GRID2: variants seen among roughly 807,000 people sequenced by gnomAD.
GRID2 encodes the protein glutamate receptor ionotropic, delta-2.
A neutral mutation model predicts 114.8 loss-of-function variants in GRID2; 33 were observed. That is an observed-to-expected ratio of 0.29 (90% CI 0.22 to 0.38). The LOEUF is 0.38. Ranked by LOEUF, GRID2 falls within the 10% of genes least tolerant of loss-of-function variation. The pLI is 1.00. For synonymous variants in GRID2, 505 were observed against 449.9 expected (o/e 1.12, Z -1.55); for missense variants, 1,184 against 1,257.7 (o/e 0.94, Z 0.89).
chr4:92,369,500 G>A (rs1420635737), intron 1 of GRID2, among the ~76,000 whole-genome samples: 1 of 152,136 alleles, frequency 6.6e-6, no homozygotes, highest in Non-Finnish European at 1.5e-5. Context: ...TTACAAGGCT[G>A]ATTTAGTTAC....
At chr4:92,336,512 C>T (rs752539933) in intron 1 of GRID2, among the ~76,000 whole-genome samples, 7 of 152,180 alleles carry the variant, frequency 4.6e-5, no homozygotes, top group Non-Finnish European at 1.0e-4. Context: ...TTCCCATCAT[C>T]TCTGACTTTG....
intron 1 of GRID2, among the ~76,000 whole-genome samples, chr4:92,371,060 G>T (rs1729094761): frequency 6.6e-6 from 1 of 152,214 alleles, no homozygotes; most frequent in South Asian, 2.1e-4. Context: ...CCAAATAAAA[G>T]ACCTAAATCT....
chr4:92,472,872 C>T (rs953501260), intron 1 of GRID2, among the ~76,000 whole-genome samples: 1 of 152,122 alleles, frequency 6.6e-6, no homozygotes, highest in African/African-American at 2.4e-5. Flanking sequence ...CCATTTGTGG[C>T]TGACCTTAAC....
chr4:92,836,042 C>G (rs953539939), intron 2 of GRID2, among the ~76,000 whole-genome samples: 2 of 152,092 alleles, frequency 1.3e-5, no homozygotes. Context: ...CAAACTGTAG[C>G]CTGCAAGTCA....
rs760605020 is a variant in GRID2, at chr4:92,688,037, CTTTTTT to C, written c.244+97775_244+97780del. Among the ~76,000 whole-genome samples the C allele has an allele frequency of 4.0e-4, 18 of 44,668 alleles. 1 individual carries two copies. Among genetic ancestry groups the C allele is most frequent in the Admixed American group, 9.4e-4 (3 of 3,208 alleles). 29.3% of individuals were successfully genotyped at this position (44,668 alleles called of 152,430 possible). On this transcript the variant is annotated intron_variant, in intron 2 of 15. Transcript: ENST00000282020. ...GCCACATTGGTTGACCCTTCTTCTTCTTTTTTTTTTTTTTTTTTTTTTTTTTTTTGG... is the reference window on the plus strand; with the variant it reads ...GCCACATTGGTTGACCCTTCTTCTTCTTTTTTTTTTTTTTTTTTTTTTTGG...
chr4:93,654,642 G>T lies in GRID2; in HGVS notation c.2360+28207G>T, dbSNP rs542267440. On this transcript the variant is annotated intron_variant, in intron 14 of 15. Transcript: ENST00000282020. Reference sequence around the variant, plus strand: ...CAATAGATACAAGAGAATAAAAATAGAATAAATGCATATAAATGGATGCTT... The same window carrying T: ...CAATAGATACAAGAGAATAAAAATATAATAAATGCATATAAATGGATGCTT... Among the ~76,000 whole-genome samples the T allele has an allele frequency of 3.3e-5, 5 of 152,156 alleles. No individual in the cohort carries two copies. In the South Asian group the frequency reaches 1.0e-3, roughly 32 times the overall value.
intron 2 of GRID2, among the ~76,000 whole-genome samples, chr4:93,062,286 T>C (rs1727874452): frequency 6.6e-6 from 1 of 152,130 alleles, no homozygotes; most frequent in East Asian, 1.9e-4. Context: ...ATTTCAGTTA[T>C]TATTTTCTTT....
At chr4:92,808,057 T>C (rs947467677) in intron 2 of GRID2, among the ~76,000 whole-genome samples, 1 of 152,022 alleles carries the variant, frequency 6.6e-6, no homozygotes, top group Non-Finnish European at 1.5e-5. Context: ...ATAAGGGTTC[T>C]TGTAAGAGGG....
intron 2 of GRID2, among the ~76,000 whole-genome samples, chr4:93,064,052 T>C (rs1195112040): frequency 1.3e-5 from 2 of 150,138 alleles, no homozygotes; most frequent in African/African-American, 2.4e-5. Flanking sequence ...ACGCTGTTAA[T>C]GTTACATTTA....
intron 4 of GRID2, among the ~76,000 whole-genome samples, chr4:93,125,541 C>G (rs924494394): frequency 2.0e-5 from 3 of 152,216 alleles, no homozygotes; most frequent in Admixed American, 1.3e-4. Context: ...TTAGCCCTCT[C>G]TAATCGGCCA....
intron 8 of GRID2, among the ~76,000 whole-genome samples, chr4:93,327,144 T>C (rs1757922036): frequency 6.6e-6 from 1 of 152,180 alleles, no homozygotes; most frequent in Admixed American, 6.5e-5. Context: ...TTCAGTATGG[T>C]TTTTTAAATG....
intron 2 of GRID2, among the ~76,000 whole-genome samples, chr4:92,735,418 G>A (rs1373048651): frequency 2.0e-5 from 3 of 152,084 alleles, no homozygotes; most frequent in Non-Finnish European, 4.4e-5. Context: ...GTATGTGAAT[G>A]TGGTTTCTCA....
At chr4:92,638,005 A>C (rs1731156226) in intron 2 of GRID2, among the ~76,000 whole-genome samples, 1 of 151,986 alleles carries the variant, frequency 6.6e-6, no homozygotes, top group Non-Finnish European at 1.5e-5. Flanking sequence ...ATTTCAAAGC[A>C]AGTTTTAGTG....
chr4:93,099,678 T>C (rs1731536723), intron 3 of GRID2, among the ~76,000 whole-genome samples: 1 of 151,848 alleles, frequency 6.6e-6, no homozygotes, highest in Admixed American at 6.6e-5. Flanking sequence ...AAAACATTGA[T>C]TTAATGTTTT....
chr4:92,907,232 A>G (rs1748025818), intron 2 of GRID2, among the ~76,000 whole-genome samples: 1 of 152,118 alleles, frequency 6.6e-6, no homozygotes, highest in Non-Finnish European at 1.5e-5. Flanking sequence ...CCAGACATTC[A>G]TTCTTCCCTT....
At chr4:92,716,345 T>C (rs945056986) in intron 2 of GRID2, among the ~76,000 whole-genome samples, 6 of 152,234 alleles carry the variant, frequency 3.9e-5, no homozygotes, top group Admixed American at 2.6e-4. Flanking sequence ...AGCTTTGACA[T>C]GCTCATGATA....
intron 11 of GRID2, among the ~76,000 whole-genome samples, chr4:93,460,367 GT>G (rs1164183440): frequency 6.6e-6 from 1 of 152,098 alleles, no homozygotes; most frequent in East Asian, 1.9e-4. Flanking sequence ...CTTCACCTTT[GT>G]ATCTGCTCTT....
At chr4:92,924,110 G>T (rs1749607678) in intron 2 of GRID2, among the ~76,000 whole-genome samples, 1 of 152,158 alleles carries the variant, frequency 6.6e-6, no homozygotes, top group Non-Finnish European at 1.5e-5. Context: ...GGACATGGAT[G>T]AAGCTGGAAA....
At chr4:92,340,625 C>A (rs1560575827) in intron 1 of GRID2, among the ~76,000 whole-genome samples, 1 of 152,274 alleles carries the variant, frequency 6.6e-6, no homozygotes, top group Admixed American at 6.5e-5. Context: ...ATAAATAGTT[C>A]TCTGAGAAGT....
Sources: allele counts gnomAD v4.1 joint callset (sites outside exome capture counted in the v4.1 genomes callset), GRCh38; gene constraint gnomAD v4.1.1; transcripts MANE v1.5; gene names NCBI Gene and HGNC (gene_info 2026-07-23, HGNC 2026-07-21).